SLC22A24: variants seen among roughly 807,000 people sequenced by gnomAD.
SLC22A24 encodes the protein solute carrier family 22 member 24.
A neutral mutation model predicts 49.8 loss-of-function variants in SLC22A24; 53 were observed. The ratio of observed to expected loss-of-function variants is 1.06; its 90% CI spans 0.85 to 1.34. The LOEUF (loss-of-function observed/expected upper bound fraction) is 1.34. Among genes scored for constraint, SLC22A24 ranks in the 40% most tolerant of loss-of-function variants. SLC22A24 has a pLI of 0.00. For synonymous variants in SLC22A24, 302 were observed against 256.4 expected (o/e 1.18, Z -1.70); for missense variants, 786 against 675.9 (o/e 1.16, Z -1.81).
In SLC22A24 at chr11:63,080,961, C is replaced by T; in HGVS notation, c.1557G>A (p.Arg519=). ...VPVILLLPET[R]DLPLPNTIQD... is the part of the protein sequence containing the mutation. Reference sequence around the variant, plus strand: ...GGATGGTGTTAGGAAGAGGTAGATCCCTGGTTTCTGGAAGGAGGAGGATAA... The same window carrying T: ...GGATGGTGTTAGGAAGAGGTAGATCTCTGGTTTCTGGAAGGAGGAGGATAA... Residue 519 remains arginine, a synonymous_variant, in exon 9 of 10, where the codon AGG becomes AGA. Transcript: ENST00000612278. The T allele has an allele frequency of 6.4e-7, 1 of 1,552,478 alleles. No individual in the cohort carries two copies. The highest frequency in any genetic ancestry group is 8.7e-7 in the Non-Finnish European group (1 of 1,147,540).
At chr11:63,090,080 C>CAAAAAAAAAAAA (rs60285946) in intron 6 of SLC22A24, among the ~76,000 whole-genome samples, 46 of 64,690 alleles carry the variant, frequency 7.1e-4, no homozygotes, top group Non-Finnish European at 9.8e-4. Context: ...GACTCTGTCT[C>CAAAAAAAAAAAA]AAAAAAAAAA....
At chr11:63,084,005 AAG>A in intron 6 of SLC22A24, among the ~76,000 whole-genome samples, 1 of 152,324 alleles carries the variant, frequency 6.6e-6, no homozygotes, top group Non-Finnish European at 1.5e-5. Context: ...CAGATTATAC[AAG>A]TGGAGAGGAA....
intron 9 of SLC22A24, among the ~76,000 whole-genome samples, chr11:63,080,513 C>A (rs575065278): frequency 3.5e-4 from 54 of 152,282 alleles, no homozygotes; most frequent in African/African-American, 1.0e-3. Context: ...AATCTCATTC[C>A]CTTTCCCACC....
At chr11:63,095,393 A>T (rs1271821679) in intron 6 of SLC22A24, among the ~76,000 whole-genome samples, 1 of 152,216 alleles carries the variant, frequency 6.6e-6, no homozygotes, top group Non-Finnish European at 1.5e-5. Context: ...CCTACAATTA[A>T]TTAAAAGACC....
At chr11:63,133,396 G>T (rs2087350860) in intron 2 of SLC22A24, among the ~76,000 whole-genome samples, 1 of 152,140 alleles carries the variant, frequency 6.6e-6, no homozygotes, top group Non-Finnish European at 1.5e-5. Flanking sequence ...CTTCTGTGTT[G>T]ATCTCACTGG....
intron 4 of SLC22A24, among the ~76,000 whole-genome samples, chr11:63,118,035 C>A (rs1284347346): frequency 6.6e-6 from 1 of 152,162 alleles, no homozygotes; most frequent in Admixed American, 6.5e-5. Context: ...ATATGTTTGA[C>A]AAATGCCTTA....
chr11:63,083,504 C>A (rs1044506652), intron 6 of SLC22A24, 47 bp from the exon 7 acceptor site: 11 of 1,432,268 alleles, frequency 7.7e-6, no homozygotes, highest in Non-Finnish European at 1.0e-5. Context: ...AGATTTAAAG[C>A]CTAGGAAACA....
chr11:63,132,901 T>A (rs746479595), intron 2 of SLC22A24, among the ~76,000 whole-genome samples: 1 of 152,204 alleles, frequency 6.6e-6, no homozygotes, highest in Non-Finnish European at 1.5e-5. Context: ...AGCTATGCCC[T>A]GCCCCCAGAG....
At chr11:63,093,261 C>A (rs760606811) in intron 6 of SLC22A24, among the ~76,000 whole-genome samples, 26 of 152,096 alleles carry the variant, frequency 1.7e-4, no homozygotes, top group Non-Finnish European at 3.1e-4. Context: ...TTAGTTCAAC[C>A]ATTGTAGAAG....
At chr11:63,117,471 G>T (rs905691297) in intron 4 of SLC22A24, among the ~76,000 whole-genome samples, 3 of 152,104 alleles carry the variant, frequency 2.0e-5, no homozygotes. Flanking sequence ...AACTGCATAT[G>T]CAGAGCCCCA....
Position 63,081,011 on chromosome 11 carries a change from C to T in SLC22A24, c.1507G>A (p.Val503Ile). ...ACAGGGACAGCAAGGATGGGGAAGA[C>T]TCCATAGGAAATCCAGGGTAGGTGG... ...SPHLPWISYG[V>I]FPILAVPVIL... The change falls in exon 9 of 10, where the codon GTC (valine) becomes ATC (isoleucine). Residue 503 changes from valine (V) to isoleucine (I), a missense_variant. By Grantham distance (29) the Val-to-Ile change is conservative (BLOSUM62 3). Transcript: ENST00000612278. The T allele has an allele frequency of 6.4e-7, 1 of 1,551,878 alleles. No individual in the cohort carries two copies. The highest frequency in any genetic ancestry group is 1.2e-5 in the South Asian group (1 of 84,056).
intron 9 of SLC22A24, among the ~76,000 whole-genome samples, 172 bp downstream of exon 9, chr11:63,080,748 G>A (rs1368777230): frequency 6.6e-6 from 1 of 152,170 alleles, no homozygotes; most frequent in East Asian, 1.9e-4. Context: ...TGACTCCATT[G>A]TGGATAGGGT....
At chr11:63,119,408 G>A (rs553160696) in intron 2 of SLC22A24, 73 bp from the exon 3 acceptor site, 116 of 1,340,916 alleles carry the variant, frequency 8.7e-5, no homozygotes, top group African/African-American at 6.9e-4. Context: ...AAACAATGGC[G>A]CATCTTGAAA....
At chr11:63,091,455 A>T (rs1293030950) in intron 6 of SLC22A24, among the ~76,000 whole-genome samples, 2 of 152,206 alleles carry the variant, frequency 1.3e-5, no homozygotes, top group Non-Finnish European at 2.9e-5. Context: ...ACAACAACAA[A>T]AAAGAAAATT....
chr11:63,141,978 T>A (rs1457286316), intron 1 of SLC22A24, among the ~76,000 whole-genome samples: 3 of 152,178 alleles, frequency 2.0e-5, no homozygotes, highest in Non-Finnish European at 4.4e-5. Context: ...CAGGTTAGAC[T>A]AAATTCTAAA....
At chr11:63,120,319 G>A (rs2087242641) in intron 2 of SLC22A24, among the ~76,000 whole-genome samples, 1 of 105,480 alleles carries the variant, frequency 9.5e-6, no homozygotes, top group South Asian at 4.1e-4. Flanking sequence ...GGGGGGAGGG[G>A]GGAGGGATAG....
Position 63,113,165 on chromosome 11 carries a change from CACATATATATACATATATATAT to C in SLC22A24, c.830+5725_830+5746del, listed in dbSNP as rs2134661509. Among the ~76,000 whole-genome samples the C allele has an allele frequency of 2.6e-4, 2 of 7,628 alleles. 1 individual carries two copies. The highest frequency in any genetic ancestry group is 0.025 in the South Asian group (2 of 80). The allele number at this position is 7,628 out of a possible 152,430, so 5.0% of individuals were successfully genotyped here. A position where few individuals can be genotyped will look rare whatever the true frequency, so the allele number is the denominator to read the frequency against. On this transcript the variant is annotated intron_variant, in intron 4 of 9. Transcript: ENST00000612278. ...ACATATATATATACATATATATATACACATATATATACATATATATATACACATATATATATACATATATATA... is the reference window on the plus strand; with the variant it reads ...ACATATATATATACATATATATATACACACATATATATATACATATATATA...
At chr11:63,137,266 G>C (rs2087382043) in intron 1 of SLC22A24, among the ~76,000 whole-genome samples, 1 of 152,190 alleles carries the variant, frequency 6.6e-6, no homozygotes, top group South Asian at 2.1e-4. Flanking sequence ...TAGTTTGGAA[G>C]GGATAATCTT....
intron 2 of SLC22A24, among the ~76,000 whole-genome samples, chr11:63,133,103 C>T (rs1159682447): frequency 1.3e-5 from 2 of 152,166 alleles, no homozygotes; most frequent in Non-Finnish European, 2.9e-5. Flanking sequence ...GCTCAGTGGG[C>T]ATGGGACCCA....
Sources: gnomAD v4.1 joint callset for allele counts (sites outside exome capture counted in the v4.1 genomes callset) on GRCh38, gnomAD v4.1.1 for gene constraint, MANE v1.5 for transcripts, NCBI Gene and HGNC (gene_info 2026-07-23, HGNC 2026-07-21) for gene names.